Variants in NEDD4L observed in about 807,000 individuals in gnomAD.
The protein encoded by NEDD4L is E3 ubiquitin-protein ligase NEDD4-like.
NEDD4L carries 54 observed loss-of-function variants against 148.9 expected under a neutral mutation model. The observed-to-expected ratio is 0.36, with a 90% confidence interval of 0.29 to 0.45. The LOEUF (loss-of-function observed/expected upper bound fraction) is 0.45. Among genes scored for constraint, NEDD4L ranks in the 20% least tolerant of loss-of-function variants. NEDD4L has a pLI of 1.00. For missense variants in NEDD4L, 856 were observed against 1,233.8 expected (o/e 0.69, Z 4.59); for synonymous variants, 433 against 440.7 (o/e 0.98, Z 0.22).
In NEDD4L at chr18:58,236,754, C is replaced by T. The variant is rs1390515169; in HGVS notation, c.123-8673C>T. On this transcript the variant is annotated intron_variant, in intron 2 of 30. Transcript: ENST00000400345. Reference sequence around the variant, plus strand: ...AATAATTGTCATTGGCTGGGCGCTGCGGCTCACGCCTGTAATCCCAGCACT... The same window carrying T: ...AATAATTGTCATTGGCTGGGCGCTGTGGCTCACGCCTGTAATCCCAGCACT... Among the ~76,000 whole-genome samples, 10 of 152,090 alleles carry T rather than the reference C, an allele frequency of 6.6e-5. No individual in the cohort carries two copies. In the East Asian group the frequency reaches 9.7e-4, roughly 15 times the overall value.
Position 58,291,913 on chromosome 18 carries a change from T to A in NEDD4L, c.298-24069T>A, listed in dbSNP as rs572989040. 4.1e-4 allele frequency among the ~76,000 whole-genome samples: 62 copies of A among 152,310 alleles called. No homozygotes were observed. The South Asian group carries it at 0.012, about 31-fold the overall frequency. ...CCCTTCCCAAACATTTATGCTCATT[T>A]AGAGAAAAGCAACCCCAGTTCTCTT... On this transcript the variant is annotated intron_variant, in intron 5 of 30. Transcript: ENST00000400345.
intron 1 of NEDD4L, among the ~76,000 whole-genome samples, chr18:58,053,707 A>G (rs2081979321): frequency 6.6e-6 from 1 of 152,208 alleles, no homozygotes; most frequent in South Asian, 2.1e-4. Context: ...CTTATAATGT[A>G]TATTTAAAAG....
At chr18:58,267,660 A>G (rs1044622238) in intron 5 of NEDD4L, among the ~76,000 whole-genome samples, 2 of 151,840 alleles carry the variant, frequency 1.3e-5, no homozygotes, top group African/African-American at 4.8e-5. Flanking sequence ...AGAAAATGGG[A>G]GGTTTTTCTT....
At chr18:58,280,473 A>C (rs1366840312) in intron 5 of NEDD4L, among the ~76,000 whole-genome samples, 1 of 152,184 alleles carries the variant, frequency 6.6e-6, no homozygotes, top group African/African-American at 2.4e-5. Flanking sequence ...CAAGGAGCAG[A>C]CCGGGCGAGG....
intron 5 of NEDD4L, among the ~76,000 whole-genome samples, chr18:58,263,884 A>G (rs1013523491): frequency 1.3e-5 from 2 of 149,584 alleles, no homozygotes; most frequent in African/African-American, 2.4e-5. Flanking sequence ...TAGGAGTTAC[A>G]TTGCAGAACT....
chr18:58,242,295 T>G (rs1196322910), intron 2 of NEDD4L, among the ~76,000 whole-genome samples: 2 of 152,160 alleles, frequency 1.3e-5, no homozygotes, highest in African/African-American at 4.8e-5. Flanking sequence ...ATTTGTATTG[T>G]ATGTTTGGAA....
chr18:58,051,815 A>G (rs961803523), intron 1 of NEDD4L, among the ~76,000 whole-genome samples: 1 of 152,250 alleles, frequency 6.6e-6, no homozygotes, highest in African/African-American at 2.4e-5. Context: ...GAGGATTAGA[A>G]TAATATATAA....
chr18:58,064,044 A>G (rs1402173815), intron 1 of NEDD4L, among the ~76,000 whole-genome samples: 1 of 141,056 alleles, frequency 7.1e-6, no homozygotes, highest in Non-Finnish European at 1.5e-5. Flanking sequence ...GGCTCACTGC[A>G]AGCTCCGCCT....
At chr18:58,191,574 A>G (rs1331824144) in intron 2 of NEDD4L, among the ~76,000 whole-genome samples, 1 of 152,224 alleles carries the variant, frequency 6.6e-6, no homozygotes, top group Non-Finnish European at 1.5e-5. Flanking sequence ...TGGCCTTGGT[A>G]TGTACAACTT....
At chr18:58,370,319 G>T in intron 22 of NEDD4L, 78 bp from the exon 23 acceptor site, 1 of 879,660 alleles carries the variant, frequency 1.1e-6, no homozygotes, top group Non-Finnish European at 1.9e-6. Context: ...TTGAAAGCAG[G>T]TTAATCTTTT....
chr18:58,301,838 C>A (rs1463685584), intron 5 of NEDD4L, among the ~76,000 whole-genome samples: 2 of 152,180 alleles, frequency 1.3e-5, no homozygotes, highest in African/African-American at 4.8e-5. Flanking sequence ...TGCCCAGGCC[C>A]CAAGCCCAGC....
intron 1 of NEDD4L, among the ~76,000 whole-genome samples, chr18:58,106,687 A>G (rs1359928480): frequency 6.6e-6 from 1 of 152,240 alleles, no homozygotes; most frequent in Non-Finnish European, 1.5e-5. Flanking sequence ...CTGGCAGATG[A>G]TTAAAAAAAT....
intron 1 of NEDD4L, among the ~76,000 whole-genome samples, chr18:58,061,017 C>T (rs961690244): frequency 9.8e-5 from 15 of 152,296 alleles, no homozygotes; most frequent in African/African-American, 3.4e-4. Flanking sequence ...GTCTCGGCCT[C>T]CCAAAGTGCT....
chr18:58,103,283 A>AT, intron 1 of NEDD4L, among the ~76,000 whole-genome samples: 1 of 147,634 alleles, frequency 6.8e-6, no homozygotes, highest in African/African-American at 2.5e-5. Flanking sequence ...ATTATATATA[A>AT]TATATATAAT....
At chr18:58,326,973 T>G (rs1327223871) in intron 9 of NEDD4L, among the ~76,000 whole-genome samples, 1 of 152,216 alleles carries the variant, frequency 6.6e-6, no homozygotes, top group African/African-American at 2.4e-5. Context: ...AACAGCTTTT[T>G]AATGTGTTGA....
rs926458523 is a variant in NEDD4L, at chr18:58,256,511, C to G, written c.297+4457C>G. On this transcript the variant is annotated intron_variant, in intron 5 of 30. Coordinates refer to ENST00000400345, the MANE Select transcript of NEDD4L (RefSeq NM_001144967.3). The surrounding 1 kb of genome is among the most constrained non-coding windows in gnomAD (Gnocchi z 5.2). Reference sequence around the variant, plus strand: ...GAGCACCTCGTACCCCACGCAGCCCCGAAGCGAGCGAGGGAGCCCCACGGA... The same window carrying G: ...GAGCACCTCGTACCCCACGCAGCCCGGAAGCGAGCGAGGGAGCCCCACGGA... 6 of 1,232,142 alleles carry G rather than the reference C, an allele frequency of 4.9e-6. No individual in the cohort carries two copies. The Admixed American group carries it at 2.5e-4, about 52-fold the overall frequency. The allele number at this position is 1,232,142 out of a possible 1,614,324, so 76.3% of individuals were successfully genotyped here.
intron 1 of NEDD4L, among the ~76,000 whole-genome samples, chr18:58,104,549 C>T (rs982841147): frequency 5.3e-5 from 8 of 151,894 alleles, no homozygotes; most frequent in Non-Finnish European, 8.8e-5. Flanking sequence ...AAAGATGCTT[C>T]GCTTGTATAA....
chr18:58,059,400 C>T (rs532967980), intron 1 of NEDD4L, among the ~76,000 whole-genome samples: 5 of 152,216 alleles, frequency 3.3e-5, no homozygotes, highest in Non-Finnish European at 7.3e-5. Context: ...ATTTCCCCCC[C>T]AGAGGCTCTT....
chr18:58,274,951 G>A (rs10513911), intron 5 of NEDD4L, among the ~76,000 whole-genome samples: 1 of 152,092 alleles, frequency 6.6e-6, no homozygotes, highest in Non-Finnish European at 1.5e-5. Flanking sequence ...AACGAAATCT[G>A]CTATTGTATT....
Sources: gnomAD v4.1 joint callset for allele counts (sites outside exome capture counted in the v4.1 genomes callset) on GRCh38, gnomAD v4.1.1 for gene constraint, Gnocchi (gnomAD v3.1) non-coding constraint, MANE v1.5 for transcripts, NCBI Gene and HGNC (gene_info 2026-07-23, HGNC 2026-07-21) for gene names.